MARCHF4: variants seen among roughly 807,000 people sequenced by gnomAD.
MARCHF4 encodes the protein E3 ubiquitin-protein ligase MARCHF4.
MARCHF4 carries 14 observed loss-of-function variants against 43.9 expected under a neutral mutation model. That is an observed-to-expected ratio of 0.32 (90% CI 0.21 to 0.50). The LOEUF is 0.50. Ranked by LOEUF, MARCHF4 falls within the 20% of genes least tolerant of loss-of-function variation. MARCHF4 has a pLI of 0.98. For synonymous variants in MARCHF4, 226 were observed against 213.3 expected (o/e 1.06, Z -0.52); for missense variants, 468 against 536.7 (o/e 0.87, Z 1.27).
chr2:216,275,660 A>T (rs1559087306), intron 3 of MARCHF4, among the ~76,000 whole-genome samples: 1 of 152,158 alleles, frequency 6.6e-6, no homozygotes, highest in Non-Finnish European at 1.5e-5. Flanking sequence ...CGGTCTTCAA[A>T]TCTGTAGAGC....
intron 1 of MARCHF4, among the ~76,000 whole-genome samples, chr2:216,348,536 G>A (rs1692355539): frequency 6.6e-6 from 1 of 152,126 alleles, no homozygotes; most frequent in South Asian, 2.1e-4. Context: ...GATGCCATGT[G>A]ATGTCAGGAA....
chr2:216,347,616 T>C (rs1692341374), intron 1 of MARCHF4, among the ~76,000 whole-genome samples: 1 of 151,830 alleles, frequency 6.6e-6, no homozygotes. Context: ...TAATCCCAGT[T>C]ACTCAGGAGG....
At chr2:216,328,528 G>T (rs1692032030) in intron 1 of MARCHF4, among the ~76,000 whole-genome samples, 1 of 152,198 alleles carries the variant, frequency 6.6e-6, no homozygotes, top group South Asian at 2.1e-4. Context: ...TGTGACTCCT[G>T]CTACATCCCA....
intron 1 of MARCHF4, among the ~76,000 whole-genome samples, chr2:216,349,349 T>G (rs1396173739): frequency 6.6e-6 from 1 of 152,226 alleles, no homozygotes; most frequent in African/African-American, 2.4e-5. Context: ...AAGTGCCTAA[T>G]TGGCTTCGAT....
At chr2:216,332,423 AAG>A (rs1237513801) in intron 1 of MARCHF4, among the ~76,000 whole-genome samples, 3 of 151,662 alleles carry the variant, frequency 2.0e-5, no homozygotes, top group African/African-American at 7.3e-5. Context: ...GAAAAGAAAA[AAG>A]AAAAAAACTA....
At chr2:216,286,170 C>A (rs1456953316) in intron 1 of MARCHF4, among the ~76,000 whole-genome samples, 1 of 152,196 alleles carries the variant, frequency 6.6e-6, no homozygotes, top group East Asian at 1.9e-4. Context: ...CTCCAGCGAA[C>A]CATTCATTTT....
At chr2:216,363,542 C>T (rs1439177939) in intron 1 of MARCHF4, among the ~76,000 whole-genome samples, 2 of 152,142 alleles carry the variant, frequency 1.3e-5, no homozygotes, top group Non-Finnish European at 2.9e-5. Context: ...TGGTAAGAGC[C>T]TTGAGTGAAG....
At chr2:216,305,788 A>T (rs1691577238) in intron 1 of MARCHF4, among the ~76,000 whole-genome samples, 1 of 152,204 alleles carries the variant, frequency 6.6e-6, no homozygotes, top group South Asian at 2.1e-4. Flanking sequence ...ATATAAAAGA[A>T]ATCAAGGGCT....
chr2:216,323,749 T>C (rs112192444), intron 1 of MARCHF4, among the ~76,000 whole-genome samples: 17,384 of 152,070 alleles, frequency 0.11, 1,022 homozygotes, highest in Middle Eastern at 0.17. Context: ...GAAATAAAGA[T>C]GTTCTTTGAA....
chr2:216,306,705 G>A (rs1691592295), intron 1 of MARCHF4, among the ~76,000 whole-genome samples: 5 of 152,096 alleles, frequency 3.3e-5, no homozygotes, highest in Admixed American at 3.3e-4. Context: ...CAGCAGTGTT[G>A]AGGGGTGGAT....
In MARCHF4 at chr2:216,259,405, G is replaced by A. The variant is rs985852485; in HGVS notation, c.1140C>T (p.Thr380=). Residue 380 remains threonine (T), a synonymous_variant, in exon 4 of 4, where the codon ACC becomes ACT. Coordinates refer to ENST00000273067, the MANE Select transcript of MARCHF4 (RefSeq NM_020814.3). The stretch of plus-strand genomic sequence containing the variant: ...TCAAGTGACTCAGGATGTGCAGGAT[G>A]GTATAAGCACAGTGGTGATGGGACA... ...GPLSHHHCAY[T]ILHILSHLRP... The A allele has an allele frequency of 6.2e-7, 1 of 1,612,772 alleles. No homozygotes were observed. Among genetic ancestry groups the A allele is most frequent in the Non-Finnish European group, 8.5e-7 (1 of 1,179,022 alleles).
chr2:216,318,267 G>T (rs1322712125), intron 1 of MARCHF4: 2 of 152,322 alleles, frequency 1.3e-5, no homozygotes, highest in East Asian at 3.9e-4. Context: ...AAGGGAAAGG[G>T]AGCCGAAGCA....
chr2:216,313,234 T>C (rs1691718528), intron 1 of MARCHF4, among the ~76,000 whole-genome samples: 1 of 152,178 alleles, frequency 6.6e-6, no homozygotes, highest in South Asian at 2.1e-4. Flanking sequence ...GTTCCATTGA[T>C]CTATGTTGAT....
At chr2:216,289,085 A>AT (rs1160140167) in intron 1 of MARCHF4, among the ~76,000 whole-genome samples, 130 of 148,170 alleles carry the variant, frequency 8.8e-4, no homozygotes, top group African/African-American at 3.1e-3. Context: ...TTATTTATTT[A>AT]TTTTTTTTGG....
At chr2:216,313,595 C>T (rs1188292685) in intron 1 of MARCHF4, among the ~76,000 whole-genome samples, 1 of 152,212 alleles carries the variant, frequency 6.6e-6, no homozygotes, top group Non-Finnish European at 1.5e-5. Flanking sequence ...ACTTTACTAT[C>T]ACATGTAAGC....
At chr2:216,269,515 C>T (rs765607504) in intron 3 of MARCHF4, among the ~76,000 whole-genome samples, 16 of 152,162 alleles carry the variant, frequency 1.1e-4, no homozygotes, top group Admixed American at 2.0e-4. Context: ...CTTTTAATGA[C>T]GTGAGGACAC....
At chr2:216,332,215 A>AC (rs1476710437) in intron 1 of MARCHF4, among the ~76,000 whole-genome samples, 1 of 151,990 alleles carries the variant, frequency 6.6e-6, no homozygotes, top group African/African-American at 2.4e-5. Flanking sequence ...ACATGGCAAA[A>AC]CCCTGTCTCT....
At chr2:216,296,917 G>T (rs895803526) in intron 1 of MARCHF4, among the ~76,000 whole-genome samples, 6 of 152,176 alleles carry the variant, frequency 3.9e-5, no homozygotes, top group African/African-American at 1.4e-4. Context: ...GAGCACCAAA[G>T]GGTGGGTCCT....
At chr2:216,308,317 T>C (rs900928876) in intron 1 of MARCHF4, among the ~76,000 whole-genome samples, 1 of 152,078 alleles carries the variant, frequency 6.6e-6, no homozygotes, top group East Asian at 1.9e-4. Context: ...GTTCAGAGGA[T>C]GGCTTGAGCC....
Sources: allele counts gnomAD v4.1 joint callset (sites outside exome capture counted in the v4.1 genomes callset), GRCh38; gene constraint gnomAD v4.1.1; transcripts MANE v1.5; gene names NCBI Gene and HGNC (gene_info 2026-07-23, HGNC 2026-07-21).